The following DCLK3 variants were observed in gnomAD, a reference collection of about 807,000 sequenced individuals.
DCLK3 encodes the protein serine/threonine-protein kinase DCLK3.
In DCLK3, 30 loss-of-function variants were observed where a neutral mutation model predicts 46.4. That is an observed-to-expected ratio of 0.65 (90% CI 0.48 to 0.88). DCLK3 has a LOEUF of 0.88. Among genes scored for constraint, DCLK3 ranks in the 40% least tolerant of loss-of-function variants. The pLI, the probability that DCLK3 is intolerant of heterozygous loss-of-function variation, is 0.00. For missense variants in DCLK3, 846 were observed against 907.1 expected, an observed-to-expected ratio of 0.93 and a Z score of 0.87; for synonymous variants, 401 against 339.2, an observed-to-expected ratio of 1.18 and a Z score of -2.00.
intron 1 of DCLK3, among the ~76,000 whole-genome samples, chr3:36,743,924 C>T (rs36107363): frequency 3.1e-4 from 47 of 152,170 alleles, no homozygotes; most frequent in South Asian, 2.1e-4. Flanking sequence ...TCTCTGTCCT[C>T]GTAAGTTCGC....
intron 1 of DCLK3, among the ~76,000 whole-genome samples, chr3:36,755,774 C>A (rs1019891513): frequency 2.6e-5 from 4 of 152,198 alleles, no homozygotes; most frequent in Middle Eastern, 6.8e-3. Flanking sequence ...TAGATAGGTG[C>A]CCCAACTGAT....
chr3:36,760,111 C>G (rs998659328), intron 1 of DCLK3, among the ~76,000 whole-genome samples: 1 of 152,106 alleles, frequency 6.6e-6, no homozygotes, highest in Non-Finnish European at 1.5e-5. Flanking sequence ...CATTATCTAC[C>G]CAGTAGGAAC....
chr3:36,759,235 T>C (rs1204500683), intron 1 of DCLK3, among the ~76,000 whole-genome samples: 1 of 152,224 alleles, frequency 6.6e-6, no homozygotes, highest in African/African-American at 2.4e-5. Context: ...GGAGAGTTGA[T>C]ATTCTCTGAC....
chr3:36,734,283 C>T (rs1221173629), intron 2 of DCLK3, among the ~76,000 whole-genome samples: 9 of 152,200 alleles, frequency 5.9e-5, no homozygotes. Flanking sequence ...AAAGCGCTGA[C>T]ATCAGATAGC....
chr3:36,715,847 G>A (rs573345280), intron 4 of DCLK3, among the ~76,000 whole-genome samples: 1 of 152,316 alleles, frequency 6.6e-6, no homozygotes, highest in East Asian at 1.9e-4. Context: ...GGACAGCACA[G>A]CTCGAGAGGA....
At position 36,738,598 on chromosome 3, in the gene DCLK3, T is replaced by C. The variant is rs374941726; in HGVS notation, c.569A>G (p.Asn190Ser). 19 of 1,398,778 alleles carry C rather than the reference T, an allele frequency of 1.4e-5. No homozygotes were observed. The highest frequency in any genetic ancestry group is 1.5e-5 in the Non-Finnish European group (16 of 1,072,736). The allele number at this position is 1,398,778 out of a possible 1,614,324, so 86.6% of individuals were successfully genotyped here. ...IQVAVEELYP[N>S]KARALTLAQH... ...GGCCAGTGTCAGGGCCCGGGCTTTG[T>C]TGGGGTACAGTTCTTCTACAGCCAC... The change falls in exon 2 of 5, where the codon AAC becomes AGC. Residue 190 changes from asparagine to serine, a missense_variant. This residue lies in a region of DCLK3 where 553 missense variants were observed against 543.0 expected (regional missense o/e 1.02). Coordinates refer to ENST00000636136, the MANE Select transcript of DCLK3 (RefSeq NM_001394672.2).
rs553365454 is a variant in DCLK3 at position 36,762,123 on chromosome 3, CA to C, written c.82+2058del. ...TGTGCACTGCCAAAGAAGCACTGAT[CA>C]GGGGGCTAGTGGACACTGAACACCT... On this transcript the variant is annotated intron_variant, in intron 1 of 4. Transcript: ENST00000636136. Among the ~76,000 whole-genome samples, 359 of 152,258 alleles carry C rather than the reference CA, an allele frequency of 2.4e-3. 2 individuals carry two copies. The highest frequency in any genetic ancestry group is 8.1e-3 in the African/African-American group (337 of 41,534).
chr3:36,742,467 ACAGCT>A (rs752672691), intron 1 of DCLK3, among the ~76,000 whole-genome samples: 1 of 152,190 alleles, frequency 6.6e-6, no homozygotes, highest in Non-Finnish European at 1.5e-5. Context: ...TAAAGAGAGA[ACAGCT>A]CAGCCTCCAT....
At chr3:36,754,294 C>T (rs1160983748) in intron 1 of DCLK3, among the ~76,000 whole-genome samples, 2 of 152,222 alleles carry the variant, frequency 1.3e-5, no homozygotes, top group Non-Finnish European at 2.9e-5. Flanking sequence ...GAAAAAGGAG[C>T]TTCAACCTAA....
chr3:36,755,777 C>T (rs964536990), intron 1 of DCLK3, among the ~76,000 whole-genome samples: 4 of 152,098 alleles, frequency 2.6e-5, no homozygotes. Context: ...ATAGGTGCCC[C>T]AACTGATAAA....
chr3:36,748,249 G>C (rs1424366902), intron 1 of DCLK3, among the ~76,000 whole-genome samples: 4 of 152,216 alleles, frequency 2.6e-5, no homozygotes, highest in Non-Finnish European at 4.4e-5. Context: ...GGAGATAACA[G>C]GCCTGGGGAG....
At chr3:36,721,457 G>T in intron 3 of DCLK3, 70 bp downstream of exon 3, 1 of 1,565,600 alleles carries the variant, frequency 6.4e-7, no homozygotes, top group South Asian at 1.2e-5. Context: ...TTGAAAACTA[G>T]TAAATATGAC....
chr3:36,737,651 G>T lies in DCLK3; in HGVS notation c.1516C>A (p.Pro506Thr). 1 of 1,613,952 alleles carries T rather than the reference G, an allele frequency of 6.2e-7. No homozygotes were observed. Among genetic ancestry groups the T allele is most frequent in the South Asian group, 1.1e-5 (1 of 90,998 alleles). ...TRPEENKPER[P>T]SGRKPRPMGI... Reference sequence around the variant, plus strand: ...ATGGGCCGTGGCTTCCGACCGCTGGGCCGCTCTGGCTTGTTCTCTTCTGGC... The same window carrying T: ...ATGGGCCGTGGCTTCCGACCGCTGGTCCGCTCTGGCTTGTTCTCTTCTGGC... Residue 506 changes from proline (P) to threonine (T), a missense_variant, in exon 2 of 5, where the codon CCC becomes ACC. By Grantham distance (38) the Pro-to-Thr change is conservative. Transcript: ENST00000636136. This position sits in a 1 kb window ranked among gnomAD's most constrained non-coding sequence, Gnocchi z 4.4.
intron 1 of DCLK3, among the ~76,000 whole-genome samples, chr3:36,757,768 C>T (rs886403591): frequency 1.7e-4 from 26 of 152,268 alleles, no homozygotes; most frequent in Middle Eastern, 3.4e-3. Context: ...CTGACACCTG[C>T]GGTCCTCATC....
chr3:36,736,648 G>C (rs1228450638), intron 2 of DCLK3, among the ~76,000 whole-genome samples: 1 of 152,104 alleles, frequency 6.6e-6, no homozygotes, highest in Non-Finnish European at 1.5e-5. Flanking sequence ...TGAAACTAAG[G>C]TCCAGCAAGA....
Position 36,750,673 on chromosome 3 carries a change from T to A in DCLK3, c.83-11589A>T, listed in dbSNP as rs566059578. Among the ~76,000 whole-genome samples the A allele has an allele frequency of 3.9e-5, 6 of 152,140 alleles. No homozygotes were observed. In the South Asian group the frequency reaches 1.0e-3, roughly 26 times the overall value. On this transcript the variant is annotated intron_variant, in intron 1 of 4. Transcript: ENST00000636136. ...GGCGCAGATCTTTGCATTTTAGAACTGCAAGGATAGTAGCCCAGTTTCCGC... is the reference window on the plus strand; with the variant it reads ...GGCGCAGATCTTTGCATTTTAGAACAGCAAGGATAGTAGCCCAGTTTCCGC...
intron 1 of DCLK3, among the ~76,000 whole-genome samples, chr3:36,751,009 A>T (rs1017783525): frequency 1.4e-5 from 2 of 145,590 alleles, no homozygotes; most frequent in Non-Finnish European, 3.0e-5. Flanking sequence ...GTGTTCCTGC[A>T]GCTGGCAATA....
At chr3:36,732,239 T>A (rs1029036060) in intron 2 of DCLK3, among the ~76,000 whole-genome samples, 46 of 152,360 alleles carry the variant, frequency 3.0e-4, no homozygotes, top group African/African-American at 1.0e-3. Context: ...TAGACGCCTA[T>A]CCTTTTAGGT....
At chr3:36,725,100 G>T (rs1184637024) in intron 2 of DCLK3, among the ~76,000 whole-genome samples, 1 of 151,858 alleles carries the variant, frequency 6.6e-6, no homozygotes, top group African/African-American at 2.4e-5. Flanking sequence ...GGATCATGAG[G>T]TCAGGAGATC....
Sources: allele counts gnomAD v4.1 joint callset (sites outside exome capture counted in the v4.1 genomes callset), GRCh38; gene constraint gnomAD v4.1.1; regional missense constraint gnomAD v4.1.1; non-coding constraint Gnocchi (gnomAD v3.1); transcripts MANE v1.5; gene names NCBI Gene and HGNC (gene_info 2026-07-23, HGNC 2026-07-21).